The following SULT2B1 variants were observed in gnomAD, a reference collection of about 807,000 sequenced individuals.
SULT2B1 encodes the protein sulfotransferase 2B1.
SULT2B1 carries 16 observed loss-of-function variants against 33.2 expected under a neutral mutation model. The observed-to-expected ratio is 0.48, with a 90% confidence interval of 0.33 to 0.73. The LOEUF (loss-of-function observed/expected upper bound fraction) is 0.73. Among genes scored for constraint, SULT2B1 ranks in the 30% least tolerant of loss-of-function variants. The probability of loss-of-function intolerance (pLI) is 0.02; values close to 1 mark genes in which losing one functional copy is unlikely to be tolerated. For synonymous variants in SULT2B1, 186 were observed against 200.5 expected, an observed-to-expected ratio of 0.93 and a Z score of 0.61; for missense variants, 500 against 506.0, an observed-to-expected ratio of 0.99 and a Z score of 0.11.
At position 48,592,799 on chromosome 19, in the gene SULT2B1, T is replaced by C; in HGVS notation, c.628T>C (p.Tyr210His). The C allele has an allele frequency of 6.3e-7, 1 of 1,575,476 alleles. No homozygotes were observed. Among genetic ancestry groups the C allele is most frequent in the Non-Finnish European group, 8.6e-7 (1 of 1,159,434 alleles). Residue 210 changes from tyrosine (Y) to histidine (H), a missense_variant, in exon 5 of 7, where the codon TAC (tyrosine) becomes CAC (histidine). Coordinates refer to ENST00000201586, the MANE Select transcript of SULT2B1 (RefSeq NM_177973.2). ...KGKDNFLFITYEELQQDLQGS... is the reference protein window; with the variant it reads ...KGKDNFLFITHEELQQDLQGS... Reference sequence around the variant, plus strand: ...CAAAGACAACTTCCTATTTATCACCTACGAGGAGCTGCAGCAGGTGAGTCC... The same window carrying C: ...CAAAGACAACTTCCTATTTATCACCCACGAGGAGCTGCAGCAGGTGAGTCC...
At chr19:48,587,516 T>C (rs1420344044) in intron 3 of SULT2B1, 79 bp downstream of exon 3, 2 of 1,496,304 alleles carry the variant, frequency 1.3e-6, no homozygotes, top group Non-Finnish European at 1.9e-6. Context: ...CATAACTCAT[T>C]GATTCATTCA....
chr19:48,572,271 T>G (rs1386783147), intron 1 of SULT2B1, among the ~76,000 whole-genome samples: 1 of 152,058 alleles, frequency 6.6e-6, no homozygotes, highest in South Asian at 2.1e-4. Flanking sequence ...TCCCAGCACT[T>G]TGGGAGGCCG....
At chr19:48,561,879 C>G (rs1973185565) in intron 1 of SULT2B1, among the ~76,000 whole-genome samples, 1 of 152,148 alleles carries the variant, frequency 6.6e-6, no homozygotes, top group South Asian at 2.1e-4. Flanking sequence ...CTTTGGGAGG[C>G]TGAGGCAGGT....
chr19:48,556,462 G>C (rs557790366), intron 1 of SULT2B1, among the ~76,000 whole-genome samples: 1 of 152,052 alleles, frequency 6.6e-6, no homozygotes, highest in Non-Finnish European at 1.5e-5. Context: ...GAAAGGGAAT[G>C]GTTGGGGCAC....
intron 1 of SULT2B1, among the ~76,000 whole-genome samples, chr19:48,557,019 G>T (rs11083941): frequency 0.068 from 10,326 of 151,900 alleles, 411 homozygotes; most frequent in Middle Eastern, 0.14. Context: ...GGAGGCCAAG[G>T]CAGGAGTATC....
intron 1 of SULT2B1, among the ~76,000 whole-genome samples, chr19:48,571,887 AG>A (rs1282897217): frequency 6.6e-6 from 1 of 152,096 alleles, no homozygotes; most frequent in Non-Finnish European, 1.5e-5. Flanking sequence ...GGTGAGGACA[AG>A]AGGCATGAGG....
rs143292540 is a variant in SULT2B1 at position 48,599,246 on chromosome 19, C to G, written c.938C>G (p.Pro313Arg). Residue 313 changes from proline (P) to arginine (R), a missense_variant, in exon 7 of 7, where the codon CCG (proline) becomes CGG (arginine). Pro to Arg is a moderately radical substitution (Grantham distance 103). Coordinates refer to ENST00000201586, the MANE Select transcript of SULT2B1 (RefSeq NM_177973.2). The surrounding 1 kb of genome is among the most constrained non-coding windows in gnomAD (Gnocchi z 4.1). ...CCGACCTTCCCCTGGGATGAAGACC[C>G]GGAGGAGGACGGCAGCCCAGATCCT... ...GMPTFPWDED[P>R]EEDGSPDPEP... The G allele has an allele frequency of 1.2e-6, 2 of 1,609,734 alleles. No homozygotes were observed. The highest frequency in any genetic ancestry group is 1.3e-5 in the African/African-American group (1 of 74,772).
intron 1 of SULT2B1, among the ~76,000 whole-genome samples, chr19:48,570,393 G>A (rs1973305154): frequency 6.6e-6 from 1 of 152,012 alleles, no homozygotes; most frequent in African/African-American, 2.4e-5. Flanking sequence ...TGGCCAGGCT[G>A]GTCTCAAACT....
At chr19:48,558,679 CTTTT>C (rs869189397) in intron 1 of SULT2B1, among the ~76,000 whole-genome samples, 45 of 106,150 alleles carry the variant, frequency 4.2e-4, no homozygotes, top group East Asian at 1.3e-3. Flanking sequence ...CTTTTCTTTT[CTTTT>C]TTTTTTTTTT....
intron 1 of SULT2B1, among the ~76,000 whole-genome samples, chr19:48,571,699 GAA>G (rs1973331344): frequency 4.8e-5 from 1 of 20,892 alleles, no homozygotes; most frequent in Admixed American, 2.8e-4. Context: ...TGCAAGCGGA[GAA>G]GATGGTCAAT....
chr19:48,553,860 T>A (rs934631920), intron 1 of SULT2B1, among the ~76,000 whole-genome samples: 1 of 152,210 alleles, frequency 6.6e-6, no homozygotes, highest in African/African-American at 2.4e-5. Flanking sequence ...AATCCAGGAC[T>A]TCTGAGTTCT....
chr19:48,592,573 G>A, intron 4 of SULT2B1, 149 bp from the exon 5 acceptor site: 1 of 648,212 alleles, frequency 1.5e-6, no homozygotes, highest in South Asian at 1.9e-5. Context: ...AGAACTTGGT[G>A]GAAATGTGGG....
At chr19:48,576,640 CTTTTTTT>C (rs71335805) in intron 2 of SULT2B1, among the ~76,000 whole-genome samples, 6 of 116,474 alleles carry the variant, frequency 5.2e-5, no homozygotes, top group African/African-American at 7.1e-5. Flanking sequence ...AAATTGTATA[CTTTTTTT>C]TTTTTTTTTT....
chr19:48,560,962 C>G (rs1409132341), intron 1 of SULT2B1, among the ~76,000 whole-genome samples: 1 of 150,560 alleles, frequency 6.6e-6, no homozygotes, highest in Non-Finnish European at 1.5e-5. Flanking sequence ...AACTCCGTCT[C>G]AAAAATAAAA....
intron 1 of SULT2B1, among the ~76,000 whole-genome samples, chr19:48,567,359 T>TGA: frequency 6.6e-6 from 1 of 151,858 alleles, no homozygotes; most frequent in South Asian, 2.1e-4. Context: ...GTCAGGAGTT[T>TGA]GAGACCAGCC....
chr19:48,599,049 A>G lies in SULT2B1; in HGVS notation c.827-86A>G, dbSNP rs1205932767. On this transcript the variant is annotated intron_variant, in intron 6 of 6. Transcript: ENST00000201586. The surrounding 1 kb of genome is among the most constrained non-coding windows in gnomAD (Gnocchi z 4.1). The stretch of plus-strand genomic sequence containing the variant: ...GGGAACACCTCGCCAAAGGCCGGGA[A>G]GGGGAAGGAGGTTGCTGGAATGTTG... 2.7e-6 allele frequency: 4 copies of G among 1,504,092 alleles called. No homozygotes were observed. The highest frequency in any genetic ancestry group is 3.5e-6 in the Non-Finnish European group (4 of 1,132,194). 93.2% of individuals were successfully genotyped at this position (1,504,092 alleles called of 1,614,324 possible).
At chr19:48,595,727 GTGAGA>G (rs1568414858) in intron 5 of SULT2B1, 2 of 148,624 alleles carry the variant, frequency 1.3e-5, no homozygotes, top group African/African-American at 2.5e-5. Flanking sequence ...TAGTATAGTG[GTGAGA>G]TCTCGGCTCA....
chr19:48,561,643 AC>A (rs1433819887), intron 1 of SULT2B1, among the ~76,000 whole-genome samples: 1 of 152,118 alleles, frequency 6.6e-6, no homozygotes, highest in Non-Finnish European at 1.5e-5. Context: ...GCCAAACTGG[AC>A]AGTGAGAACG....
At chr19:48,569,072 G>T (rs1288936437) in intron 1 of SULT2B1, among the ~76,000 whole-genome samples, 3 of 152,182 alleles carry the variant, frequency 2.0e-5, no homozygotes, top group Non-Finnish European at 2.9e-5. Context: ...GCTGGGCGTG[G>T]TGGCTCACGC....
Sources: gnomAD v4.1 joint callset for allele counts (sites outside exome capture counted in the v4.1 genomes callset) on GRCh38, gnomAD v4.1.1 for gene constraint, Gnocchi (gnomAD v3.1) non-coding constraint, MANE v1.5 for transcripts, NCBI Gene and HGNC (gene_info 2026-07-23, HGNC 2026-07-21) for gene names.